The following VWC2L variants were observed in gnomAD, a reference collection of about 807,000 sequenced individuals.
VWC2L encodes von Willebrand factor C domain containing 2 like.
VWC2L carries 10 observed loss-of-function variants against 21.6 expected under a neutral mutation model. The observed-to-expected ratio is 0.46, with a 90% CI of 0.29 to 0.78. The LOEUF (loss-of-function observed/expected upper bound fraction) is 0.78, where lower values mean the gene tolerates loss of function less well. Ranked by LOEUF, VWC2L falls within the 30% of genes least tolerant of loss-of-function variation. The probability of loss-of-function intolerance (pLI) is 0.10; values close to 1 mark genes in which losing one functional copy is unlikely to be tolerated. For synonymous variants in VWC2L, 96 were observed against 94.3 expected (o/e 1.02, Z -0.10); for missense variants, 209 against 277.1 (o/e 0.75, Z 1.74).
intron 3 of VWC2L, among the ~76,000 whole-genome samples, chr2:214,499,245 C>T (rs962446103): frequency 2.0e-5 from 3 of 151,824 alleles, no homozygotes; most frequent in Non-Finnish European, 4.4e-5. Flanking sequence ...GTCTCAAACT[C>T]CTGACCTCGT....
intron 3 of VWC2L, among the ~76,000 whole-genome samples, chr2:214,457,551 A>G (rs1703074632): frequency 6.6e-6 from 1 of 152,016 alleles, no homozygotes; most frequent in South Asian, 2.1e-4. Context: ...GAAAGTGGGC[A>G]TTCTTGTCTT....
intron 3 of VWC2L, among the ~76,000 whole-genome samples, chr2:214,473,354 A>G (rs1256068338): frequency 6.6e-6 from 1 of 152,200 alleles, no homozygotes; most frequent in Non-Finnish European, 1.5e-5. Flanking sequence ...AGGCAATAGT[A>G]GTTTATTATT....
intron 3 of VWC2L, among the ~76,000 whole-genome samples, chr2:214,468,220 TTGGCCAAGCTGGTCTCGAACTCC>T (rs1703254399): frequency 6.6e-6 from 1 of 152,190 alleles, no homozygotes; most frequent in African/African-American, 2.4e-5. Flanking sequence ...TTTCACCATG[TTGGCCAAGCTGGTCTCGAACTCC>T]TGGCCTCAAG....
chr2:214,566,464 A>C (rs1690064147), intron 3 of VWC2L, among the ~76,000 whole-genome samples: 1 of 152,222 alleles, frequency 6.6e-6, no homozygotes. Flanking sequence ...TCTCAGACTG[A>C]AATTTGTGTG....
At chr2:214,546,228 T>C (rs1022077594) in intron 3 of VWC2L, among the ~76,000 whole-genome samples, 17 of 152,174 alleles carry the variant, frequency 1.1e-4, no homozygotes, top group Admixed American at 4.6e-4. Flanking sequence ...GTCAGGCCCA[T>C]TTACTAAGCA....
intron 3 of VWC2L, among the ~76,000 whole-genome samples, chr2:214,526,863 A>C (rs10192450): frequency 2.6e-4 from 39 of 152,046 alleles, no homozygotes; most frequent in African/African-American, 9.2e-4. Flanking sequence ...TGCATATATA[A>C]CCAAAAGAAA....
chr2:214,567,544 A>C (rs1317304978), intron 3 of VWC2L, among the ~76,000 whole-genome samples: 4 of 60,236 alleles, frequency 6.6e-5, no homozygotes, highest in Non-Finnish European at 1.0e-4. Flanking sequence ...CCCTTCATCC[A>C]CATACACACA....
rs535235366 is a variant in VWC2L at position 214,484,474 on chromosome 2, T to A, written c.520+47716T>A. Among the ~76,000 whole-genome samples the A allele has an allele frequency of 3.9e-5, 6 of 152,236 alleles. No individual in the cohort carries two copies. In the East Asian group the frequency reaches 1.2e-3, roughly 29 times the overall value. ...ACTCTAGCCACTAGTGGTTCCCTCA[T>A]GTATTCAGTTTCAGCTCTCCCAATT... On this transcript the variant is annotated intron_variant, in intron 3 of 3. Transcript: ENST00000312504.
intron 3 of VWC2L, among the ~76,000 whole-genome samples, chr2:214,520,349 C>T (rs1689216243): frequency 6.6e-6 from 1 of 152,134 alleles, no homozygotes; most frequent in African/African-American, 2.4e-5. Context: ...GAAAATGGGA[C>T]TTTAATGTCT....
At chr2:214,499,993 G>A (rs954823607) in intron 3 of VWC2L, among the ~76,000 whole-genome samples, 6 of 152,274 alleles carry the variant, frequency 3.9e-5, no homozygotes, top group African/African-American at 1.4e-4. Flanking sequence ...TCTGAGCTGT[G>A]GATCTTTGAG....
intron 3 of VWC2L, among the ~76,000 whole-genome samples, chr2:214,446,801 T>C (rs566363541): frequency 6.6e-6 from 1 of 152,320 alleles, no homozygotes; most frequent in South Asian, 2.1e-4. Context: ...AATACTTTAA[T>C]GTTCAGTACC....
At chr2:214,439,351 G>T (rs1702727436) in intron 3 of VWC2L, among the ~76,000 whole-genome samples, 1 of 151,676 alleles carries the variant, frequency 6.6e-6, no homozygotes, top group South Asian at 2.1e-4. Context: ...CATTATATAT[G>T]GTTATTAACT....
At chr2:214,499,009 C>CTTTTTTTTTTTTTTTT (rs56085205) in intron 3 of VWC2L, among the ~76,000 whole-genome samples, 6 of 83,454 alleles carry the variant, frequency 7.2e-5, no homozygotes, top group African/African-American at 3.6e-4. Flanking sequence ...TCGTACCATT[C>CTTTTTTTTTTTTTTTT]TTTTTTTTTT....
chr2:214,553,853 T>C (rs79008231), intron 3 of VWC2L, among the ~76,000 whole-genome samples: 4 of 152,146 alleles, frequency 2.6e-5, no homozygotes, highest in African/African-American at 9.7e-5. Context: ...ATTTCATTTT[T>C]GGTTTACAGC....
intron 3 of VWC2L, among the ~76,000 whole-genome samples, chr2:214,509,032 C>T (rs1360363394): frequency 6.6e-6 from 1 of 152,076 alleles, no homozygotes; most frequent in Non-Finnish European, 1.5e-5. Flanking sequence ...GAATGCTCAC[C>T]CCTCTCTGGA....
chr2:214,476,330 T>C, intron 3 of VWC2L, among the ~76,000 whole-genome samples: 1 of 152,244 alleles, frequency 6.6e-6, no homozygotes, highest in African/African-American at 2.4e-5. Flanking sequence ...TAGTTTTTAA[T>C]ACTCAGTATG....
At chr2:214,558,184 T>C (rs941829081) in intron 3 of VWC2L, among the ~76,000 whole-genome samples, 1 of 152,204 alleles carries the variant, frequency 6.6e-6, no homozygotes, top group African/African-American at 2.4e-5. Flanking sequence ...GCTATTTTTT[T>C]CCTTCCTTTT....
chr2:214,431,994 C>T (rs1265764617), intron 2 of VWC2L, among the ~76,000 whole-genome samples: 1 of 152,094 alleles, frequency 6.6e-6, no homozygotes, highest in Non-Finnish European at 1.5e-5. Context: ...TGTGCATTGC[C>T]ATAATGTTGG....
At chr2:214,495,678 G>A (rs1359170065) in intron 3 of VWC2L, among the ~76,000 whole-genome samples, 2 of 152,006 alleles carry the variant, frequency 1.3e-5, no homozygotes, top group African/African-American at 4.8e-5. Flanking sequence ...AAACAGAGCT[G>A]TTCTATCAAA....
Sources: allele counts gnomAD v4.1 joint callset (sites outside exome capture counted in the v4.1 genomes callset), GRCh38; gene constraint gnomAD v4.1.1; transcripts MANE v1.5; gene names NCBI Gene and HGNC (gene_info 2026-07-23, HGNC 2026-07-21).